The following NOX4 variants were observed in gnomAD, a reference collection of about 807,000 sequenced individuals.
NOX4 encodes kidney oxidase-1.
A neutral mutation model predicts 87.6 loss-of-function variants in NOX4; 69 were observed. The observed-to-expected ratio is 0.79, with a 90% CI of 0.65 to 0.96. The LOEUF (loss-of-function observed/expected upper bound fraction) is 0.96. Ranked by LOEUF, NOX4 falls within the 40% of genes least tolerant of loss-of-function variation. The probability of loss-of-function intolerance (pLI) is 0.00; values close to 1 mark genes in which losing one functional copy is unlikely to be tolerated. For missense variants in NOX4, 680 were observed against 681.5 expected, an observed-to-expected ratio of 1.00 and a Z score of 0.02; for synonymous variants, 275 against 238.2, an observed-to-expected ratio of 1.15 and a Z score of -1.42.
chr11:89,510,772 G>A, the NOX4 span, among the ~76,000 whole-genome samples: 3 of 152,158 alleles, frequency 2.0e-5, no homozygotes, highest in South Asian at 2.1e-4. Context: ...TGGTACCTAT[G>A]CATATTACTT....
upstream of NOX4, chr11:89,491,483 TCAGCTGCCCAGACGCC>T: frequency 2.0e-6 from 1 of 494,232 alleles, no homozygotes; most frequent in Non-Finnish European, 3.5e-6. Context: ...CTCTGCCCAC[TCAGCTGCCCAGACGCC>T]CAGCGCTCTG....
intron 11 of NOX4, among the ~76,000 whole-genome samples, chr11:89,381,693 C>T (rs977815229): frequency 2.6e-5 from 4 of 151,882 alleles, no homozygotes; most frequent in African/African-American, 7.3e-5. Flanking sequence ...TGATTTGGAT[C>T]GGGGGGACCT....
At position 89,440,400 on chromosome 11, in the gene NOX4, A is replaced by G. The variant is rs548212698; in HGVS notation, c.475+288T>C. 2.0e-5 allele frequency among the ~76,000 whole-genome samples: 3 copies of G among 152,064 alleles called. No individual in the cohort carries two copies. The South Asian group carries it at 6.2e-4, about 32-fold the overall frequency. On this transcript the variant is annotated intron_variant, in intron 6 of 17. Coordinates refer to ENST00000263317, the MANE Select transcript of NOX4 (RefSeq NM_016931.5). ...AGTGGCGCGATCTCAGCTCAGTGCA[A>G]TTTCTGCCTCCTGGGTTCAAGTGAT...
intron 12 of NOX4, among the ~76,000 whole-genome samples, chr11:89,367,404 T>C (rs1001035813): frequency 1.3e-5 from 2 of 152,116 alleles, no homozygotes; most frequent in Non-Finnish European, 2.9e-5. Context: ...GTACACTAAC[T>C]CTCTCCACTT....
intron 11 of NOX4, among the ~76,000 whole-genome samples, chr11:89,378,796 A>G (rs1184479132): frequency 6.6e-6 from 1 of 152,180 alleles, no homozygotes; most frequent in Non-Finnish European, 1.5e-5. Flanking sequence ...TCCAGAGACT[A>G]TTATGCTAGG....
At chr11:89,574,067 G>T in the NOX4 span, among the ~76,000 whole-genome samples, 2 of 152,080 alleles carry the variant, frequency 1.3e-5, no homozygotes, top group Non-Finnish European at 2.9e-5. Context: ...TAATAGCTTT[G>T]GATGGTAAGG....
At chr11:89,423,757 T>A (rs994746698) in intron 7 of NOX4, among the ~76,000 whole-genome samples, 1 of 151,920 alleles carries the variant, frequency 6.6e-6, no homozygotes, top group African/African-American at 2.4e-5. Context: ...CTTAAAAATA[T>A]ATATATATAT....
the NOX4 span, chr11:89,548,139 G>C: frequency 6.6e-6 from 1 of 152,028 alleles, no homozygotes; most frequent in African/African-American, 2.4e-5. Flanking sequence ...CAGTGCAATG[G>C]ACTGAACGTT....
chr11:89,339,121 C>T (rs1034191990), intron 15 of NOX4, among the ~76,000 whole-genome samples: 1 of 152,028 alleles, frequency 6.6e-6, no homozygotes, highest in Admixed American at 6.6e-5. Flanking sequence ...TGAATGCATG[C>T]ACAAAGAGGT....
At chr11:89,374,553 T>C (rs142540161) in intron 11 of NOX4, among the ~76,000 whole-genome samples, 3,314 of 152,244 alleles carry the variant, frequency 0.022, 112 homozygotes, top group African/African-American at 0.076. Flanking sequence ...GAGTTGTCTT[T>C]TATAGATAAG....
intron 2 of NOX4, among the ~76,000 whole-genome samples, chr11:89,460,358 A>G (rs1322048042): frequency 1.3e-5 from 2 of 152,186 alleles, no homozygotes; most frequent in African/African-American, 4.8e-5. Context: ...AGAAACTACC[A>G]TCAGAGTGAA....
At chr11:89,543,886 C>T in the NOX4 span, among the ~76,000 whole-genome samples, 19 of 151,862 alleles carry the variant, frequency 1.3e-4, no homozygotes, top group East Asian at 2.9e-3. Context: ...TATTAATAGT[C>T]GAGGTGACCA....
intron 2 of NOX4, among the ~76,000 whole-genome samples, chr11:89,479,952 C>T (rs891713177): frequency 1.8e-4 from 27 of 152,000 alleles, no homozygotes. Flanking sequence ...CCAGGATCCC[C>T]ACATATAACA....
At chr11:89,473,178 T>C (rs574599760) in intron 2 of NOX4, among the ~76,000 whole-genome samples, 2 of 152,270 alleles carry the variant, frequency 1.3e-5, no homozygotes, top group African/African-American at 2.4e-5. Flanking sequence ...TTTTCCTCCC[T>C]CTACAGAAAT....
chr11:89,396,658 G>A (rs796186527), intron 11 of NOX4, among the ~76,000 whole-genome samples: 1 of 152,018 alleles, frequency 6.6e-6, no homozygotes, highest in African/African-American at 2.4e-5. Context: ...AAAAAAGCAG[G>A]GATTGCAATC....
chr11:89,418,497 C>T (rs1411986425), intron 8 of NOX4, among the ~76,000 whole-genome samples: 1 of 149,534 alleles, frequency 6.7e-6, no homozygotes, highest in Non-Finnish European at 1.5e-5. Flanking sequence ...TTAATGAGAG[C>T]AAATGTTAGT....
chr11:89,442,015 T>G (rs1944480184), intron 5 of NOX4, among the ~76,000 whole-genome samples: 1 of 148,104 alleles, frequency 6.8e-6, no homozygotes, highest in African/African-American at 2.5e-5. Flanking sequence ...AATCTATATA[T>G]AATAGATATG....
intron 13 of NOX4, among the ~76,000 whole-genome samples, chr11:89,349,192 C>CA (rs1466991527): frequency 1.3e-5 from 2 of 151,964 alleles, no homozygotes; most frequent in Non-Finnish European, 2.9e-5. Flanking sequence ...GAGGCTGAGG[C>CA]AGAAGAATTG....
At chr11:89,438,507 ATT>A (rs1491324727) in intron 6 of NOX4, among the ~76,000 whole-genome samples, 1 of 87,570 alleles carries the variant, frequency 1.1e-5, no homozygotes, top group African/African-American at 5.9e-5. Flanking sequence ...CAGCATATAT[ATT>A]ATATACTATA....
Sources: gnomAD v4.1 joint callset for allele counts (sites outside exome capture counted in the v4.1 genomes callset) on GRCh38, gnomAD v4.1.1 for gene constraint, MANE v1.5 for transcripts, NCBI Gene and HGNC (gene_info 2026-07-23, HGNC 2026-07-21) for gene names.